Variants in POU2F2 observed in about 807,000 individuals in gnomAD.
POU2F2 encodes POU class 2 homeobox 2.
Under a neutral mutation model 63.5 loss-of-function variants are expected in POU2F2, and 14 were observed. The observed-to-expected ratio is 0.22, with a 90% confidence interval of 0.15 to 0.34. The LOEUF (loss-of-function observed/expected upper bound fraction) is 0.34. Among genes scored for constraint, POU2F2 ranks in the 10% least tolerant of loss-of-function variants. The probability of loss-of-function intolerance (pLI) is 1.00; values close to 1 mark genes in which losing one functional copy is unlikely to be tolerated. For synonymous variants in POU2F2, 306 were observed against 348.6 expected (o/e 0.88, Z 1.36); for missense variants, 607 against 815.2 (o/e 0.74, Z 3.11).
chr19:42,175,366 G>A (rs1030149960), intron 1 of POU2F2, among the ~76,000 whole-genome samples: 3 of 152,172 alleles, frequency 2.0e-5, no homozygotes. Context: ...CTGGCACCCT[G>A]TTGAAGGCCA....
intron 2 of POU2F2, among the ~76,000 whole-genome samples, chr19:42,139,362 T>C (rs2034082835): frequency 6.6e-6 from 1 of 152,174 alleles, no homozygotes; most frequent in Non-Finnish European, 1.5e-5. Flanking sequence ...CAGTCCCTGT[T>C]CTGAAATTCG....
intron 2 of POU2F2, among the ~76,000 whole-genome samples, chr19:42,151,404 G>A (rs1466005221): frequency 2.0e-5 from 3 of 152,090 alleles, no homozygotes; most frequent in Non-Finnish European, 4.4e-5. Flanking sequence ...GGGCTGGGAG[G>A]AGAGGAGGAT....
chr19:42,116,793 A>ACC, intron 5 of POU2F2: 2 of 355,906 alleles, frequency 5.6e-6, no homozygotes, highest in Non-Finnish European at 5.5e-6. Flanking sequence ...GTGGCAGGTC[A>ACC]CCCCCCCCAG....
intron 5 of POU2F2, among the ~76,000 whole-genome samples, chr19:42,100,125 T>C (rs1397143193): frequency 1.5e-5 from 2 of 129,362 alleles, no homozygotes; most frequent in Non-Finnish European, 3.2e-5. Context: ...TGAGTCTCGC[T>C]CTGTCGCCCA....
rs2033364401 is a variant in POU2F2, at chr19:42,128,070, C to T, written c.28+4314G>A. On this transcript the variant is annotated intron_variant, in intron 1 of 14. Transcript: ENST00000692977. ...CTGATTCCCCAGATGGTCAGTGTCT[C>T]TCTCTTCTGGGCTTCACTGACCCTG... 2.0e-5 allele frequency among the ~76,000 whole-genome samples: 3 copies of T among 152,230 alleles called. No homozygotes were observed. In the South Asian group the frequency reaches 6.2e-4, roughly 32 times the overall value.
Position 42,095,467 on chromosome 19 carries a change from A to G in POU2F2, c.1021-5T>C, listed in dbSNP as rs2076881750. 1.9e-6 allele frequency: 3 copies of G among 1,612,004 alleles called. No homozygotes were observed. Among genetic ancestry groups the G allele is most frequent in the Non-Finnish European group, 2.5e-6 (3 of 1,179,546 alleles). ...CTCTGAGGTAGGCTTCTGGTTCTGC[A>G]GGCAGAGGGCTCGTTAGCCCGAGGC... On this transcript the variant is annotated splice_polypyrimidine_tract_variant and splice_region_variant and intron_variant, in intron 10 of 14. Transcript: ENST00000692977. The surrounding 1 kb of genome is among the most constrained non-coding windows in gnomAD (Gnocchi z 7.1).
Position 42,151,154 on chromosome 19 carries a change from G to C in POU2F2, c.-9+9178C>G, listed in dbSNP as rs560872042. 9.8e-5 allele frequency among the ~76,000 whole-genome samples: 15 copies of C among 152,342 alleles called. No individual in the cohort carries two copies. In the South Asian group the frequency reaches 1.4e-3, roughly 15 times the overall value. The stretch of plus-strand genomic sequence containing the variant: ...GCCCCTGGGGACCCAGATGGGAGGA[G>C]GGAGGGGGAGAGGTCGGGGGTCAGG... On this transcript the variant is annotated intron_variant, in intron 2 of 6. Coordinates refer to the POU2F2 transcript ENST00000524801.
intron 2 of POU2F2, among the ~76,000 whole-genome samples, chr19:42,143,033 C>T (rs1461920895): frequency 6.6e-6 from 1 of 152,164 alleles, no homozygotes; most frequent in Non-Finnish European, 1.5e-5. Context: ...TTGACATCTC[C>T]ACCCAAGTGG....
chr19:42,117,202 G>T lies in POU2F2; in HGVS notation c.369+48C>A, dbSNP rs2032026457. 3.7e-6 allele frequency: 5 copies of T among 1,368,102 alleles called. No individual in the cohort carries two copies. In the East Asian group the frequency reaches 7.9e-5, roughly 22 times the overall value. 84.7% of individuals were successfully genotyped at this position (1,368,102 alleles called of 1,614,324 possible). A position where few individuals can be genotyped will look rare whatever the true frequency, so the allele number is the denominator to read the frequency against. On this transcript the variant is annotated intron_variant, in intron 5 of 14. Transcript: ENST00000692977. The surrounding 1 kb of genome is among the most constrained non-coding windows in gnomAD (Gnocchi z 4.4). ...CATCCACTAGCCCTGTAACAGATGA[G>T]GGGTGGCTGGTTTGTCCCCTCGTCC...
chr19:42,188,679 AAAAAAAAG>A, intron 1 of POU2F2, among the ~76,000 whole-genome samples: 1 of 149,194 alleles, frequency 6.7e-6, no homozygotes. Context: ...CAAAAAAAAA[AAAAAAAAG>A]AAAGAAAGTG....
At chr19:42,179,951 A>T (rs1240552207), upstream of POU2F2, among the ~76,000 whole-genome samples, 2 of 152,282 alleles carry the variant, frequency 1.3e-5, no homozygotes, top group African/African-American at 4.8e-5. Context: ...GGTCTTATGC[A>T]GCAGATGCAT....
At chr19:42,165,022 T>C (rs142281172) in intron 1 of POU2F2, among the ~76,000 whole-genome samples, 51 of 152,098 alleles carry the variant, frequency 3.4e-4, no homozygotes, top group African/African-American at 1.2e-3. Flanking sequence ...TAGATTATCA[T>C]GGTCATTTTC....
rs113403177 is a variant in POU2F2, at chr19:42,143,459, C to T, written c.-9+16873G>A. 2.5e-3 allele frequency among the ~76,000 whole-genome samples: 382 copies of T among 152,366 alleles called. 5 individuals carry two copies. Among genetic ancestry groups the T allele is most frequent in the African/African-American group, 8.7e-3 (360 of 41,578 alleles). On this transcript the variant is annotated intron_variant, in intron 2 of 6. Coordinates refer to the POU2F2 transcript ENST00000524801. ...TTGCAATATCATCTGTTTCCCCATC[C>T]CCATTTCACTGCCCAGAAACAGACT...
rs917987988 is a variant in POU2F2, at chr19:42,153,108, T to A, written c.-9+7224A>T. Among the ~76,000 whole-genome samples the A allele has an allele frequency of 6.6e-6, 1 of 151,984 alleles. No homozygotes were observed. Among genetic ancestry groups the A allele is most frequent in the Non-Finnish European group, 1.5e-5 (1 of 67,950 alleles). ...CACCCCAGGGTCTGGCCTGCACATGTGTGGTTGGGGTGGGAAGCTTGTGCG... is the reference window on the plus strand; with the variant it reads ...CACCCCAGGGTCTGGCCTGCACATGAGTGGTTGGGGTGGGAAGCTTGTGCG... On this transcript the variant is annotated intron_variant, in intron 2 of 6. Coordinates refer to the POU2F2 transcript ENST00000524801. The surrounding 1 kb of genome is among the most constrained non-coding windows in gnomAD (Gnocchi z 5.6).
intron 5 of POU2F2, among the ~76,000 whole-genome samples, chr19:42,106,003 CT>C (rs1055005439): frequency 5.9e-5 from 5 of 85,370 alleles, no homozygotes; most frequent in African/African-American, 1.5e-4. Flanking sequence ...TTTCTTTTTT[CT>C]TTCTTTCTTT....
chr19:42,093,668 G>T, intron 12 of POU2F2, 161 bp downstream of exon 12: 8 of 580,240 alleles, frequency 1.4e-5, no homozygotes, highest in Non-Finnish European at 2.0e-5. Context: ...CAGAGGAGGG[G>T]TGAGTCCTAC....
At position 42,089,072 on chromosome 19, in the gene POU2F2, C is replaced by T. The variant is rs2076634727; in HGVS notation, c.*2185G>A. On this transcript the variant is annotated 3_prime_UTR_variant, in exon 15 of 15. Transcript: ENST00000692977. The stretch of plus-strand genomic sequence containing the variant: ...CCCTGCGGTCTCAGGGCTCTCCTCT[C>T]TCTCTGCTCCTGCCCAACAAGGGGC... 1 of 152,728 alleles carries T rather than the reference C, an allele frequency of 6.5e-6. No individual in the cohort carries two copies. The highest frequency in any genetic ancestry group is 6.5e-5 in the Admixed American group (1 of 15,294). 9.5% of individuals were successfully genotyped at this position (152,728 alleles called of 1,614,324 possible).
At chr19:42,168,416 C>G (rs1016590496) in intron 1 of POU2F2, among the ~76,000 whole-genome samples, 1 of 152,238 alleles carries the variant, frequency 6.6e-6, no homozygotes. Context: ...CTGAAGGTCC[C>G]GTGACCCTGG....
At chr19:42,157,495 C>G (rs2034479091) in intron 2 of POU2F2, 1 of 152,244 alleles carries the variant, frequency 6.6e-6, no homozygotes, top group Admixed American at 6.5e-5. Context: ...AAAATGTTGG[C>G]TGAAGGAATA....
Sources: gnomAD v4.1 joint callset for allele counts (sites outside exome capture counted in the v4.1 genomes callset) on GRCh38, gnomAD v4.1.1 for gene constraint, Gnocchi (gnomAD v3.1) non-coding constraint, MANE v1.5 for transcripts, NCBI Gene and HGNC (gene_info 2026-07-23, HGNC 2026-07-21) for gene names.